The following NDST4 variants were observed in gnomAD, a reference collection of about 807,000 sequenced individuals.
NDST4 encodes the protein N-deacetylase and N-sulfotransferase 4, also known as N-heparan sulfate sulfotransferase 4.
Under a neutral mutation model 100.8 loss-of-function variants are expected in NDST4, and 63 were observed. The ratio of observed to expected loss-of-function variants is 0.62; its 90% CI spans 0.51 to 0.77. The LOEUF is 0.77. Among genes scored for constraint, NDST4 ranks in the 30% least tolerant of loss-of-function variants. The pLI, the probability that NDST4 is intolerant of heterozygous loss-of-function variation, is 0.00. For missense variants in NDST4, 943 were observed against 1,018.4 expected, an observed-to-expected ratio of 0.93 and a Z score of 1.01; for synonymous variants, 377 against 361.8, an observed-to-expected ratio of 1.04 and a Z score of -0.48.
At chr4:114,996,334 T>G (rs1727161505) in intron 2 of NDST4, among the ~76,000 whole-genome samples, 1 of 152,096 alleles carries the variant, frequency 6.6e-6, no homozygotes, top group Non-Finnish European at 1.5e-5. Flanking sequence ...GTAAGTTTCC[T>G]GAGTCCCCCC....
chr4:114,970,513 T>G lies in NDST4; in HGVS notation c.1138A>C (p.Met380Leu). Reference sequence around the variant, plus strand: ...AGGTGGGGCTGCATGTGGCTCCACATGTGAGGAAACCACCAGAACTCATCC... The same window carrying G: ...AGGTGGGGCTGCATGTGGCTCCACAGGTGAGGAAACCACCAGAACTCATCC... ...SVDEFWWFPH[M>L]WSHMQPHLFH... The change falls in exon 4 of 14, where the codon ATG becomes CTG. Residue 380 changes from methionine (M) to leucine (L), a missense_variant. By Grantham distance (15) the Met-to-Leu change is conservative. Around this residue, in one of 2 missense-constraint regions of NDST4, gnomAD observed 526 missense variants for 634.1 expected, o/e 0.83. Coordinates refer to ENST00000264363, the MANE Select transcript of NDST4 (RefSeq NM_022569.3). 6.2e-7 allele frequency: 1 copy of G among 1,614,102 alleles called. No individual in the cohort carries two copies. Among genetic ancestry groups the G allele is most frequent in the Non-Finnish European group, 8.5e-7 (1 of 1,179,952 alleles).
At chr4:115,056,621 C>T (rs1728700034) in intron 2 of NDST4, among the ~76,000 whole-genome samples, 1 of 152,044 alleles carries the variant, frequency 6.6e-6, no homozygotes, top group Non-Finnish European at 1.5e-5. Flanking sequence ...GATAGAATGC[C>T]ACTCTCACAA....
chr4:114,969,502 T>C (rs533410897), intron 4 of NDST4, among the ~76,000 whole-genome samples: 2 of 152,264 alleles, frequency 1.3e-5, no homozygotes, highest in South Asian at 4.1e-4. Flanking sequence ...GGGTTTGGTG[T>C]TCCCTTCTTT....
intron 6 of NDST4, among the ~76,000 whole-genome samples, chr4:114,913,733 A>G (rs1174188694): frequency 4.4e-5 from 1 of 22,728 alleles, no homozygotes; most frequent in Non-Finnish European, 9.3e-5. Flanking sequence ...ATCTCCAAGA[A>G]AAAAAAAAAA....
chr4:115,021,563 ACGTTC>A, intron 2 of NDST4, among the ~76,000 whole-genome samples: 1 of 52,994 alleles, frequency 1.9e-5, no homozygotes, highest in African/African-American at 6.9e-5. Context: ...ATATATACAC[ACGTTC>A]CACATATACA....
At chr4:115,005,200 A>G (rs1727386507) in intron 2 of NDST4, among the ~76,000 whole-genome samples, 1 of 152,182 alleles carries the variant, frequency 6.6e-6, no homozygotes, top group Non-Finnish European at 1.5e-5. Context: ...CTGGTGATAC[A>G]ATAGAGAACA....
chr4:115,044,297 A>C (rs1486896391), intron 2 of NDST4, among the ~76,000 whole-genome samples: 1 of 152,172 alleles, frequency 6.6e-6, no homozygotes, highest in Non-Finnish European at 1.5e-5. Context: ...GTTCACTAAA[A>C]TTAAGAGAAG....
intron 6 of NDST4, among the ~76,000 whole-genome samples, chr4:114,889,751 C>A (rs1037770569): frequency 6.6e-6 from 1 of 152,096 alleles, no homozygotes; most frequent in African/African-American, 2.4e-5. Context: ...AAGCACAGAG[C>A]TTAATATTAG....
intron 6 of NDST4, among the ~76,000 whole-genome samples, chr4:114,905,766 T>C (rs1360664973): frequency 6.6e-6 from 1 of 152,036 alleles, no homozygotes; most frequent in Non-Finnish European, 1.5e-5. Context: ...TCTTTTTCAT[T>C]TACTTCATTA....
intron 7 of NDST4, among the ~76,000 whole-genome samples, chr4:114,866,095 A>C (rs1724020471): frequency 6.6e-6 from 1 of 152,256 alleles, no homozygotes; most frequent in Admixed American, 6.5e-5. Flanking sequence ...AGACTAAAAG[A>C]TGAAAGAATT....
chr4:114,966,824 G>A (rs1185264832), intron 4 of NDST4, among the ~76,000 whole-genome samples: 1 of 152,120 alleles, frequency 6.6e-6, no homozygotes, highest in Non-Finnish European at 1.5e-5. Context: ...AAATTGATCA[G>A]TAGCATTATC....
At chr4:115,100,104 A>G (rs897845424) in intron 1 of NDST4, among the ~76,000 whole-genome samples, 1 of 152,116 alleles carries the variant, frequency 6.6e-6, no homozygotes, top group Non-Finnish European at 1.5e-5. Flanking sequence ...GAAATTCTGG[A>G]AAAGGCAAAA....
At chr4:115,073,603 A>G (rs1366857143) in intron 2 of NDST4, among the ~76,000 whole-genome samples, 1 of 151,976 alleles carries the variant, frequency 6.6e-6, no homozygotes, top group Non-Finnish European at 1.5e-5. Context: ...TATGGAGTCT[A>G]AAAAATTTAA....
chr4:114,829,844 C>T lies in NDST4; in HGVS notation c.2445G>A (p.Lys815=). Residue 815 remains lysine (K), a synonymous_variant, in exon 13 of 14, where the codon AAG becomes AAA. Coordinates refer to ENST00000264363, the MANE Select transcript of NDST4 (RefSeq NM_022569.3). ...GFWCQLLEGG[K]TKCLGKSKGR... The stretch of plus-strand genomic sequence containing the variant: ...CTTTGCTTTTTCCAAGGCATTTTGT[C>T]TTTCCTCCTTCCAGTAATTGACACC... 10 of 1,612,072 alleles carry T rather than the reference C, an allele frequency of 6.2e-6. No homozygotes were observed. Among genetic ancestry groups the T allele is most frequent in the Non-Finnish European group, 7.6e-6 (9 of 1,179,458 alleles).
intron 2 of NDST4, among the ~76,000 whole-genome samples, chr4:115,029,612 C>T (rs1286897362): frequency 2.0e-5 from 3 of 151,878 alleles, no homozygotes; most frequent in African/African-American, 4.8e-5. Context: ...ATGTGGGGGC[C>T]GTTAGAAGAC....
At chr4:114,889,297 G>T (rs560816029) in intron 6 of NDST4, among the ~76,000 whole-genome samples, 1 of 152,122 alleles carries the variant, frequency 6.6e-6, no homozygotes, top group Non-Finnish European at 1.5e-5. Flanking sequence ...TTTACATTTA[G>T]TGGATTTTGA....
chr4:115,033,155 A>ATTTTT (rs1293503455), intron 2 of NDST4, among the ~76,000 whole-genome samples: 4 of 27,612 alleles, frequency 1.4e-4, no homozygotes, highest in African/African-American at 5.9e-4. Context: ...ATATATATAT[A>ATTTTT]TATTTTTTTT....
intron 7 of NDST4, among the ~76,000 whole-genome samples, chr4:114,863,910 T>G (rs1488548957): frequency 6.6e-6 from 1 of 152,208 alleles, no homozygotes; most frequent in Non-Finnish European, 1.5e-5. Flanking sequence ...CCCTTGGATA[T>G]TTCCCTCCAA....
At chr4:114,935,014 T>C in intron 6 of NDST4, 192 bp downstream of exon 6, 1 of 324,886 alleles carries the variant, frequency 3.1e-6, no homozygotes. Flanking sequence ...GACTTTGTAA[T>C]GAAATCTACT....
Sources: gnomAD v4.1 joint callset for allele counts (sites outside exome capture counted in the v4.1 genomes callset) on GRCh38, gnomAD v4.1.1 for gene constraint, gnomAD v4.1.1 regional missense constraint, MANE v1.5 for transcripts, NCBI Gene and HGNC (gene_info 2026-07-23, HGNC 2026-07-21) for gene names.